CFAP96: variants seen among roughly 807,000 people sequenced by gnomAD.
The protein encoded by CFAP96 is cilia and flagella associated protein 96.
chr4:185,413,997 T>C, the CFAP96 span: 3 of 810,044 alleles, frequency 3.7e-6, no homozygotes, highest in Non-Finnish European at 5.3e-6. Context: ...CAAACACTTA[T>C]GGTTTAATTC....
the CFAP96 span, among the ~76,000 whole-genome samples, chr4:185,432,914 A>G: frequency 6.6e-6 from 1 of 151,688 alleles, no homozygotes; most frequent in East Asian, 2.0e-4. Context: ...TTTTTGAGAC[A>G]GAGTCTTGCT....
the CFAP96 span, among the ~76,000 whole-genome samples, chr4:185,432,704 G>A: frequency 6.6e-6 from 1 of 151,910 alleles, no homozygotes; most frequent in Non-Finnish European, 1.5e-5. Context: ...CTCTACAAAA[G>A]TTAAAAAATT....
At chr4:185,432,243 C>A in the CFAP96 span, 2 of 1,344,266 alleles carry the variant, frequency 1.5e-6, no homozygotes, top group Non-Finnish European at 2.0e-6. Context: ...ACCTCCTGTA[C>A]CTTTATCCCT....
the CFAP96 span, among the ~76,000 whole-genome samples, chr4:185,424,576 T>G: frequency 6.6e-6 from 1 of 152,240 alleles, no homozygotes; most frequent in Admixed American, 6.5e-5. Flanking sequence ...TTTAGCTTCA[T>G]GTTGTCCATT....
At chr4:185,429,846 G>T in the CFAP96 span, among the ~76,000 whole-genome samples, 2 of 151,782 alleles carry the variant, frequency 1.3e-5, no homozygotes. Context: ...AATACTTTGT[G>T]GAGTAGGGCG....
chr4:185,425,581 A>G, the CFAP96 span, among the ~76,000 whole-genome samples: 1 of 152,234 alleles, frequency 6.6e-6, no homozygotes, highest in African/African-American at 2.4e-5. Context: ...CCTTCTTGCA[A>G]GGCTTCAAAA....
chr4:185,446,416 T>C, the CFAP96 span, among the ~76,000 whole-genome samples: 21 of 152,196 alleles, frequency 1.4e-4, no homozygotes, highest in Admixed American at 1.4e-3. Flanking sequence ...TTCTTGCTCA[T>C]GAGACTACTG....
the CFAP96 span, among the ~76,000 whole-genome samples, chr4:185,443,816 A>AAATT: frequency 6.6e-6 from 1 of 151,654 alleles, no homozygotes; most frequent in Non-Finnish European, 1.5e-5. Flanking sequence ...TTATACTTGT[A>AAATT]AATTAATTTA....
the CFAP96 span, among the ~76,000 whole-genome samples, chr4:185,412,474 C>T: frequency 2.6e-5 from 4 of 152,038 alleles, no homozygotes; most frequent in Admixed American, 1.3e-4. Flanking sequence ...AAGTCCTGGA[C>T]GCTCAGAAGG....
the CFAP96 span, chr4:185,415,594 G>C: frequency 3.4e-5 from 34 of 999,858 alleles, no homozygotes; most frequent in African/African-American, 5.6e-4. Context: ...ATGGCTCTTA[G>C]GTTAATAATA....
chr4:185,413,707 A>T, the CFAP96 span: 1 of 1,595,850 alleles, frequency 6.3e-7, no homozygotes, highest in Non-Finnish European at 8.5e-7. Context: ...GACTCCCATA[A>T]ATAATTAGTT....
the CFAP96 span, chr4:185,436,117 G>C: frequency 6.4e-7 from 1 of 1,551,166 alleles, no homozygotes; most frequent in Non-Finnish European, 8.7e-7. Flanking sequence ...TCAAAACCTC[G>C]AGAAAAATAC....
At chr4:185,410,827 T>A in the CFAP96 span, among the ~76,000 whole-genome samples, 1 of 150,546 alleles carries the variant, frequency 6.6e-6, no homozygotes, top group African/African-American at 2.4e-5. Context: ...CCTCCTGTAA[T>A]CCCAGCTACT....
the CFAP96 span, among the ~76,000 whole-genome samples, chr4:185,433,658 T>G: frequency 6.6e-6 from 1 of 152,160 alleles, no homozygotes; most frequent in Non-Finnish European, 1.5e-5. Flanking sequence ...TCCCAGCACT[T>G]TGGGAGGCCG....
chr4:185,436,201 C>A, the CFAP96 span: 1 of 1,545,998 alleles, frequency 6.5e-7, no homozygotes, highest in Non-Finnish European at 8.7e-7. Context: ...ATTTTTAATA[C>A]TTTGTCATAT....
the CFAP96 span, among the ~76,000 whole-genome samples, chr4:185,411,198 T>C: frequency 4.8e-3 from 733 of 151,228 alleles, 2 homozygotes; most frequent in Non-Finnish European, 7.3e-3. Flanking sequence ...ACAAGATATA[T>C]TAAAACCTAG....
At chr4:185,429,850 TA>T in the CFAP96 span, among the ~76,000 whole-genome samples, 1,075 of 151,830 alleles carry the variant, frequency 7.1e-3, 12 homozygotes, top group African/African-American at 0.025. Flanking sequence ...CTTTGTGGAG[TA>T]GGGCGGGGGA....
the CFAP96 span, chr4:185,449,589 ATT>A: frequency 2.6e-6 from 4 of 1,532,478 alleles, no homozygotes; most frequent in Non-Finnish European, 3.5e-6. Context: ...TTATTTTCCA[ATT>A]TTAGGGCACT....
the CFAP96 span, chr4:185,422,463 AAG>A: frequency 1.3e-6 from 2 of 1,578,364 alleles, no homozygotes; most frequent in Non-Finnish European, 1.7e-6. Context: ...TCTAATAAAA[AAG>A]AATTTTTCAG....
Sources: allele counts gnomAD v4.1 joint callset (sites outside exome capture counted in the v4.1 genomes callset), GRCh38; gene constraint gnomAD v4.1.1; transcripts MANE v1.5; gene names NCBI Gene and HGNC (gene_info 2026-07-23, HGNC 2026-07-21).